The following NBPF26 variants were observed in gnomAD, a reference collection of about 807,000 sequenced individuals.
NBPF26 encodes the protein NBPF family member NBPF26.
A neutral mutation model predicts 119.6 loss-of-function variants in NBPF26; 79 were observed. That is an observed-to-expected ratio of 0.66 (90% CI 0.55 to 0.80). The LOEUF (loss-of-function observed/expected upper bound fraction) is 0.80, where lower values mean the gene tolerates loss of function less well. Among genes scored for constraint, NBPF26 ranks in the 30% least tolerant of loss-of-function variants. NBPF26 has a pLI of 0.00. For synonymous variants in NBPF26, 299 were observed against 457.7 expected (o/e 0.65, Z 4.43); for missense variants, 800 against 1,198.2 (o/e 0.67, Z 4.91).
In NBPF26 at chr1:120,806,971, T is replaced by A. The variant is rs1383410690; in HGVS notation, c.962-636T>A. 1.5e-4 allele frequency among the ~76,000 whole-genome samples: 17 copies of A among 115,320 alleles called. 1 individual carries two copies. The highest frequency in any genetic ancestry group is 4.2e-3 in the Middle Eastern group (1 of 240). The allele number at this position is 115,320 out of a possible 152,430, so 75.7% of individuals were successfully genotyped here. The stretch of plus-strand genomic sequence containing the variant: ...CATTCTGATGTTTCTAAATTAACAC[T>A]AACTAAGCTTATGCTGTTTCTAAAT... On this transcript the variant is annotated intron_variant, in intron 5 of 29. Transcript: ENST00000620612.
chr1:120,806,697 T>C (rs1260791327), intron 5 of NBPF26, among the ~76,000 whole-genome samples: 4 of 121,720 alleles, frequency 3.3e-5, no homozygotes, highest in Non-Finnish European at 6.6e-5. Flanking sequence ...CTCTTGTTCC[T>C]AAAGAGGAAG....
downstream of NBPF26, chr1:120,840,775 C>G: frequency 1.1e-6 from 1 of 886,130 alleles, no homozygotes. Flanking sequence ...AGACAATGGA[C>G]CCACGTTAGG....
chr1:120,810,859 T>G lies in NBPF26; in HGVS notation c.1564+301T>G, dbSNP rs1195696049. On this transcript the variant is annotated intron_variant, in intron 9 of 29. Coordinates refer to ENST00000620612, the Ensembl canonical transcript of NBPF26. ...GTCCCAACTGCTCAGGAGACTTAGG[T>G]GGGAGGATGGGCTGAGATGATCCTC... Among the ~76,000 whole-genome samples, 5 of 108,996 alleles carry G rather than the reference T, an allele frequency of 4.6e-5. 2 individuals carry two copies. The highest frequency in any genetic ancestry group is 2.7e-4 in the African/African-American group (5 of 18,200). 71.5% of individuals were successfully genotyped at this position (108,996 alleles called of 152,430 possible). A position where few individuals can be genotyped will look rare whatever the true frequency, so the allele number is the denominator to read the frequency against.
chr1:120,795,920 ATGTGTGTGTGTG>A (rs1177600530), intron 4 of NBPF26, among the ~76,000 whole-genome samples: 1 of 19,644 alleles, frequency 5.1e-5, no homozygotes, highest in South Asian at 7.6e-4. Context: ...ACATATCAAT[ATGTGTGTGTGTG>A]TGTGTGTGTG....
At chr1:120,734,416 T>C (rs1476022873) in intron 1 of NBPF26, among the ~76,000 whole-genome samples, 2 of 92,696 alleles carry the variant, frequency 2.2e-5, no homozygotes, top group Non-Finnish European at 4.1e-5. Flanking sequence ...CTTTTTTTTT[T>C]TTTTAATGGT....
At chr1:120,818,982 A>G (rs1652071973) in intron 15 of NBPF26, among the ~76,000 whole-genome samples, 1 of 107,498 alleles carries the variant, frequency 9.3e-6, no homozygotes, top group Non-Finnish European at 1.8e-5. Flanking sequence ...AGTTCTGTAG[A>G]TGTCTTTTAG....
intron 21 of NBPF26, among the ~76,000 whole-genome samples, chr1:120,831,753 G>GTT (rs1652344756): frequency 6.0e-5 from 1 of 16,584 alleles, no homozygotes; most frequent in Non-Finnish European, 2.1e-4. Flanking sequence ...CTCTCTCTCT[G>GTT]TGTGTGTGTG....
chr1:120,816,268 C>G lies in NBPF26; in HGVS notation c.2165+111C>G. The G allele has an allele frequency of 4.4e-6, 3 of 679,552 alleles. No homozygotes were observed. The South Asian group carries it at 4.6e-5, about 10-fold the overall frequency. The allele number at this position is 679,552 out of a possible 1,614,324, so 42.1% of individuals were successfully genotyped here. Reference sequence around the variant, plus strand: ...GACCAAAAACCCGCATTCGCTTGGCCACAGTATGTGAAATATAACCCAGCT... The same window carrying G: ...GACCAAAAACCCGCATTCGCTTGGCGACAGTATGTGAAATATAACCCAGCT... On this transcript the variant is annotated intron_variant, in intron 13 of 29. Transcript: ENST00000620612.
At chr1:120,783,891 A>G (rs1651393782) in intron 2 of NBPF26, among the ~76,000 whole-genome samples, 2 of 105,618 alleles carry the variant, frequency 1.9e-5, no homozygotes, top group South Asian at 5.7e-4. Flanking sequence ...TCCCTATAGG[A>G]GAGAGAATTT....
rs1553269675 is a variant in NBPF26 at position 120,805,540 on chromosome 1, G to C, written c.752-16G>C. 13 of 1,255,804 alleles carry C rather than the reference G, an allele frequency of 1.0e-5. 2 individuals carry two copies. The highest frequency in any genetic ancestry group is 6.8e-5 in the East Asian group (3 of 43,894). The allele number at this position is 1,255,804 out of a possible 1,614,324, so 77.8% of individuals were successfully genotyped here. On this transcript the variant is annotated splice_polypyrimidine_tract_variant and intron_variant, in intron 4 of 29. Transcript: ENST00000620612. Reference sequence around the variant, plus strand: ...CAGTTTTTAACCCATCATATGTTTGGGTTTCTTCTCCCCAGTCCCTGACTC... The same window carrying C: ...CAGTTTTTAACCCATCATATGTTTGCGTTTCTTCTCCCCAGTCCCTGACTC...
Position 120,739,105 on chromosome 1 carries a change from AG to A in NBPF26, c.73+14856del, listed in dbSNP as rs1272220739. Among the ~76,000 whole-genome samples the A allele has an allele frequency of 1.2e-4, 10 of 83,480 alleles. 1 individual carries two copies. The highest frequency in any genetic ancestry group is 7.1e-4 in the Admixed American group (6 of 8,490). The allele number at this position is 83,480 out of a possible 152,430, so 54.8% of individuals were successfully genotyped here. Reference sequence around the variant, plus strand: ...ACATAGCCAATTATTAAAATTACCCAGTACTAACCTGTCTTGGCTTAGGAAC... The same window carrying A: ...ACATAGCCAATTATTAAAATTACCCATACTAACCTGTCTTGGCTTAGGAAC... On this transcript the variant is annotated intron_variant, in intron 1 of 29. Coordinates refer to ENST00000620612, the Ensembl canonical transcript of NBPF26.
chr1:120,809,881 C>G, exon 8 of NBPF26: 1 of 1,476,010 alleles, frequency 6.8e-7, no homozygotes, highest in South Asian at 1.2e-5. Context: ...CATCTGCCCC[C>G]AGGTAACACT....
At chr1:120,806,532 G>T (rs1273848976) in intron 5 of NBPF26, among the ~76,000 whole-genome samples, 1 of 124,366 alleles carries the variant, frequency 8.0e-6, no homozygotes, top group Non-Finnish European at 1.6e-5. Context: ...GGCAGATGTT[G>T]CAGTGAGCCA....
intron 5 of NBPF26, among the ~76,000 whole-genome samples, chr1:120,806,592 A>C (rs1238781023): frequency 8.0e-6 from 1 of 125,724 alleles, no homozygotes; most frequent in Non-Finnish European, 1.6e-5. Context: ...GACTCGTCAA[A>C]AAACAAACAA....
At chr1:120,761,206 TGTCAGGACACTTAATAGGAACAGGCC>T (rs1167936843) in intron 1 of NBPF26, among the ~76,000 whole-genome samples, 1 of 124,142 alleles carries the variant, frequency 8.1e-6, no homozygotes, top group Non-Finnish European at 1.6e-5. Flanking sequence ...TGTAATGATT[TGTCAGGACACTTAATAGGAACAGGCC>T]GTGATTTTTG....
At chr1:120,802,340 G>C in intron 4 of NBPF26, among the ~76,000 whole-genome samples, 1 of 126,122 alleles carries the variant, frequency 7.9e-6, no homozygotes, top group East Asian at 2.0e-4. Flanking sequence ...GACCCATTGA[G>C]CTGCATCACA....
rs1553272253 is a variant in NBPF26, at chr1:120,823,346, G to A, written c.2625G>A (p.Glu875=). 3.2e-5 allele frequency: 46 copies of A among 1,420,770 alleles called. 10 individuals carry two copies. The highest frequency in any genetic ancestry group is 8.4e-5 in the South Asian group (7 of 83,388). The allele number at this position is 1,420,770 out of a possible 1,614,324, so 88.0% of individuals were successfully genotyped here. Residue 875 remains glutamate (E), a synonymous_variant, in exon 17 of 30, where the codon GAG becomes GAA. Transcript: ENST00000620612. ...ATCAAGTGAAAAAGGAGGACCACGAGGCAACAGGTCCCAGGTGAGTCTGAG... is the reference window on the plus strand; with the variant it reads ...ATCAAGTGAAAAAGGAGGACCACGAAGCAACAGGTCCCAGGTGAGTCTGAG...
rs1652066271 is a variant in NBPF26, at chr1:120,818,742, C to T, written c.2423+568C>T. Among the ~76,000 whole-genome samples the T allele has an allele frequency of 5.0e-5, 6 of 120,396 alleles. 1 individual carries two copies. The South Asian group carries it at 1.5e-3, about 30-fold the overall frequency. The allele number at this position is 120,396 out of a possible 152,430, so 79.0% of individuals were successfully genotyped here. On this transcript the variant is annotated intron_variant, in intron 15 of 29. Transcript: ENST00000620612. Reference sequence around the variant, plus strand: ...TTTCTGCCTTCATTTTGTTATTTTCCCAGTAGTCATTCAGGAGCAGGTTGT... The same window carrying T: ...TTTCTGCCTTCATTTTGTTATTTTCTCAGTAGTCATTCAGGAGCAGGTTGT...
At chr1:120,763,500 T>C in intron 1 of NBPF26, 128 bp from the exon 2 acceptor site, 7 of 462,960 alleles carry the variant, frequency 1.5e-5, no homozygotes, top group East Asian at 6.8e-5. Flanking sequence ...AAAAAACTGA[T>C]TAAAACTCTA....
Sources: allele counts gnomAD v4.1 joint callset (sites outside exome capture counted in the v4.1 genomes callset), GRCh38; gene constraint gnomAD v4.1.1; transcripts MANE v1.5; gene names NCBI Gene and HGNC (gene_info 2026-07-23, HGNC 2026-07-21).